Variants in ARHGAP26 observed in about 807,000 individuals in gnomAD.
ARHGAP26 encodes Rho GTPase activating protein 26.
Under a neutral mutation model 104.8 loss-of-function variants are expected in ARHGAP26, and 38 were observed. The observed-to-expected ratio is 0.36, with a 90% CI of 0.28 to 0.48. ARHGAP26 has a LOEUF of 0.48. ARHGAP26 is among the 20% of genes least tolerant of loss of function. ARHGAP26 has a pLI of 0.99. For synonymous variants in ARHGAP26, 341 were observed against 340.0 expected (o/e 1.00, Z -0.03); for missense variants, 704 against 947.9 (o/e 0.74, Z 3.38).
intron 20 of ARHGAP26, among the ~76,000 whole-genome samples, chr5:143,160,503 T>G (rs960566038): frequency 1.3e-5 from 2 of 151,966 alleles, no homozygotes; most frequent in African/African-American, 4.8e-5. Context: ...TTTTTTCTTT[T>G]TAGACAGGGT....
At chr5:142,975,960 C>G (rs574860073) in intron 11 of ARHGAP26, among the ~76,000 whole-genome samples, 1 of 152,150 alleles carries the variant, frequency 6.6e-6, no homozygotes. Context: ...AATAAACCAC[C>G]GTATGGAGGA....
intron 1 of ARHGAP26, among the ~76,000 whole-genome samples, chr5:142,855,478 A>T (rs1174924694): frequency 6.6e-6 from 1 of 152,138 alleles, no homozygotes; most frequent in African/African-American, 2.4e-5. Flanking sequence ...TGCTCCCTAG[A>T]TATCCATCCA....
At chr5:143,159,792 T>A (rs150588959) in intron 20 of ARHGAP26, among the ~76,000 whole-genome samples, 284 of 152,322 alleles carry the variant, frequency 1.9e-3, no homozygotes, top group African/African-American at 6.5e-3. Flanking sequence ...GGGTGTAATA[T>A]CTGTAATATT....
rs557227796 is a variant in ARHGAP26 at position 142,785,420 on chromosome 5, T to G, written c.154+14505T>G. On this transcript the variant is annotated intron_variant, in intron 1 of 22. Transcript: ENST00000645722. ...GACAGATTTACTAGTGCAACCTGACTAATGCACACTCACTGCCGAGGGGGC... is the reference window on the plus strand; with the variant it reads ...GACAGATTTACTAGTGCAACCTGACGAATGCACACTCACTGCCGAGGGGGC... Among the ~76,000 whole-genome samples, 3 of 152,376 alleles carry G rather than the reference T, an allele frequency of 2.0e-5. No homozygotes were observed. The East Asian group carries it at 5.8e-4, about 29-fold the overall frequency.
intron 11 of ARHGAP26, among the ~76,000 whole-genome samples, chr5:142,977,617 AG>A (rs1773314049): frequency 6.6e-6 from 1 of 152,082 alleles, no homozygotes; most frequent in Admixed American, 6.5e-5. Context: ...CTGGGTGAGG[AG>A]GCAACCTTTG....
At chr5:143,108,716 C>T (rs1049356509) in intron 17 of ARHGAP26, among the ~76,000 whole-genome samples, 2 of 152,166 alleles carry the variant, frequency 1.3e-5, no homozygotes. Context: ...GATAGGTTAC[C>T]TAGGGTGGGT....
intron 17 of ARHGAP26, among the ~76,000 whole-genome samples, chr5:143,081,083 T>A (rs1264475847): frequency 6.6e-6 from 1 of 152,044 alleles, no homozygotes; most frequent in Non-Finnish European, 1.5e-5. Context: ...CTTGTCTTGT[T>A]TTATTGTTGT....
chr5:142,890,151 A>AAATATAT (rs1252590997), intron 5 of ARHGAP26, among the ~76,000 whole-genome samples: 4 of 32,426 alleles, frequency 1.2e-4, no homozygotes, highest in African/African-American at 1.2e-4. Context: ...AAAAAAAAAA[A>AAATATAT]ATATATATAT....
intron 11 of ARHGAP26, among the ~76,000 whole-genome samples, chr5:142,953,897 A>T (rs1021419490): frequency 1.3e-5 from 2 of 152,322 alleles, no homozygotes; most frequent in South Asian, 2.1e-4. Flanking sequence ...ACCTTGGTTG[A>T]CATCGTCCAT....
chr5:142,796,340 T>A (rs1760990872), intron 1 of ARHGAP26, among the ~76,000 whole-genome samples: 1 of 152,338 alleles, frequency 6.6e-6, no homozygotes, highest in Non-Finnish European at 1.5e-5. Context: ...GCAAATTATT[T>A]AATCTCTTAG....
intron 17 of ARHGAP26, among the ~76,000 whole-genome samples, chr5:143,066,778 C>G (rs1440790589): frequency 6.6e-6 from 1 of 152,138 alleles, no homozygotes; most frequent in East Asian, 1.9e-4. Context: ...GTTTGCTTAG[C>G]AGTTTGTGTG....
intron 11 of ARHGAP26, among the ~76,000 whole-genome samples, chr5:142,976,440 C>A (rs1335426944): frequency 1.3e-5 from 2 of 152,110 alleles, no homozygotes; most frequent in East Asian, 3.8e-4. Context: ...TTTTGCTAAC[C>A]CTGAAAGTAG....
chr5:143,071,028 A>G (rs1425496123), intron 17 of ARHGAP26, among the ~76,000 whole-genome samples: 3 of 152,248 alleles, frequency 2.0e-5, no homozygotes, highest in Non-Finnish European at 2.9e-5. Context: ...CTAAGAAAGA[A>G]CAAAGCTAGT....
intron 1 of ARHGAP26, among the ~76,000 whole-genome samples, chr5:142,840,520 G>A (rs1459773358): frequency 6.6e-6 from 1 of 152,118 alleles, no homozygotes; most frequent in South Asian, 2.1e-4. Context: ...CTACTCTTAT[G>A]AACCTTCAAG....
Position 143,147,373 on chromosome 5 carries a change from C to A in ARHGAP26, c.1980C>A (p.Pro660=). The change falls in exon 20 of 23, where the codon CCC becomes CCA. Residue 660 remains proline (P), a synonymous_variant. Transcript: ENST00000645722. The part of the protein sequence containing the change: ...PDLAVVKPTR[P]NSLPPNPSPT... The stretch of plus-strand genomic sequence containing the variant: ...TGGCTGTGGTCAAACCCACCCGGCC[C>A]AACTCACTGTAAGTATGATGTCCAG... 6.2e-7 allele frequency: 1 copy of A among 1,613,180 alleles called. No individual in the cohort carries two copies. Among genetic ancestry groups the A allele is most frequent in the South Asian group, 1.1e-5 (1 of 90,980 alleles).
chr5:142,940,189 C>G (rs185092932), intron 11 of ARHGAP26, among the ~76,000 whole-genome samples: 1 of 152,268 alleles, frequency 6.6e-6, no homozygotes, highest in East Asian at 1.9e-4. Flanking sequence ...CTGACACTTG[C>G]GTTTTCCTTT....
At position 142,853,396 on chromosome 5, in the gene ARHGAP26, G is replaced by A. The variant is rs529910284; in HGVS notation, c.155-20004G>A. 2.0e-5 allele frequency among the ~76,000 whole-genome samples: 3 copies of A among 152,092 alleles called. No individual in the cohort carries two copies. The East Asian group carries it at 5.8e-4, about 29-fold the overall frequency. ...AATAGAGATGAGGTTTCACCATGTT[G>A]GCCGGGCTGGTCTCAAACTCCTGAC... On this transcript the variant is annotated intron_variant, in intron 1 of 22. Transcript: ENST00000645722.
chr5:142,949,102 C>T (rs758222040), intron 11 of ARHGAP26, among the ~76,000 whole-genome samples: 1 of 141,538 alleles, frequency 7.1e-6, no homozygotes, highest in Non-Finnish European at 1.5e-5. Context: ...GAGACTCCGT[C>T]TCAAAAAAAA....
At chr5:143,056,583 A>G (rs1785851980) in intron 16 of ARHGAP26, among the ~76,000 whole-genome samples, 1 of 152,060 alleles carries the variant, frequency 6.6e-6, no homozygotes, top group Admixed American at 6.6e-5. Flanking sequence ...TCATTCTTCA[A>G]CTACATCATC....
Sources: gnomAD v4.1 joint callset for allele counts (sites outside exome capture counted in the v4.1 genomes callset) on GRCh38, gnomAD v4.1.1 for gene constraint, MANE v1.5 for transcripts, NCBI Gene and HGNC (gene_info 2026-07-23, HGNC 2026-07-21) for gene names.